The following MCF2L2 variants were observed in gnomAD, a reference collection of about 807,000 sequenced individuals.
The protein encoded by MCF2L2 is probable guanine nucleotide exchange factor MCF2L2.
In MCF2L2, 102 loss-of-function variants were observed where a neutral mutation model predicts 150.2. That is an observed-to-expected ratio of 0.68 (90% CI 0.58 to 0.80). MCF2L2 has a LOEUF of 0.80. Ranked by LOEUF, MCF2L2 falls within the 30% of genes least tolerant of loss-of-function variation. The pLI, the probability that MCF2L2 is intolerant of heterozygous loss-of-function variation, is 0.00. For synonymous variants in MCF2L2, 465 were observed against 491.3 expected (o/e 0.95, Z 0.71); for missense variants, 1,256 against 1,372.8 (o/e 0.91, Z 1.34).
At position 183,274,137 on chromosome 3, in the gene MCF2L2, C is replaced by G. The variant is rs1217737446; in HGVS notation, c.1862+2735G>C. On this transcript the variant is annotated intron_variant, in intron 15 of 29. Transcript: ENST00000328913. ...GGCTGAGGCAGGAGAATTGCTTGAA[C>G]CTGGGAAAGGGAGGTTGCAATGACC... 3.3e-5 allele frequency among the ~76,000 whole-genome samples: 5 copies of G among 151,964 alleles called. No homozygotes were observed. The East Asian group carries it at 9.6e-4, about 29-fold the overall frequency.
At chr3:183,229,866 T>C (rs1457491635) in intron 16 of MCF2L2, 85 bp from the exon 17 acceptor site, 1 of 583,768 alleles carries the variant, frequency 1.7e-6, no homozygotes, top group Admixed American at 2.9e-5. Flanking sequence ...CCCAAAACTT[T>C]AGTGAAATGA....
In MCF2L2 at chr3:183,342,230, G is replaced by GA. The variant is rs1341564861; in HGVS notation, c.276-601dup. Among the ~76,000 whole-genome samples, 16 of 152,288 alleles carry GA rather than the reference G, an allele frequency of 1.1e-4. No individual in the cohort carries two copies. The East Asian group carries it at 1.4e-3, about 13-fold the overall frequency. ...TCACGAAATTCTCACAGAATCTTTC[G>GA]AAAGTAGAATTCTAAAAGTGAAAAC... is the stretch of plus-strand genomic sequence containing the variant. On this transcript the variant is annotated intron_variant, in intron 3 of 29. Transcript: ENST00000328913.
Position 183,207,700 on chromosome 3 carries a change from G to A in MCF2L2, c.2620C>T (p.Leu874=). ...RFKPSQRQIY[L]FERGIVFCKI... is the part of the protein sequence containing the mutation. The stretch of plus-strand genomic sequence containing the variant: ...CAGAACACTATTCCCCTTTCAAATA[G>A]GTAGATTTGCCTCTGGCTGGGTTTA... The change falls in exon 23 of 30, where the codon CTA becomes TTA. Residue 874 remains leucine, a synonymous_variant. Transcript: ENST00000328913. 1 of 1,614,094 alleles carries A rather than the reference G, an allele frequency of 6.2e-7. No individual in the cohort carries two copies. Among genetic ancestry groups the A allele is most frequent in the Non-Finnish European group, 8.5e-7 (1 of 1,179,960 alleles).
chr3:183,354,420 C>T (rs1292747124), intron 3 of MCF2L2, among the ~76,000 whole-genome samples: 1 of 152,080 alleles, frequency 6.6e-6, no homozygotes, highest in Non-Finnish European at 1.5e-5. Context: ...GGGACATTTA[C>T]CATCTATTCT....
Position 183,389,310 on chromosome 3 carries a change from G to A in MCF2L2, c.160+386C>T, listed in dbSNP as rs150076652. Among the ~76,000 whole-genome samples, 288 of 152,268 alleles carry A rather than the reference G, an allele frequency of 1.9e-3. 1 individual carries two copies. Among genetic ancestry groups the A allele is most frequent in the African/African-American group, 6.5e-3 (268 of 41,550 alleles). ...CCAGAGAACAAACAACCTCAGCAAC[G>A]CTCGGGAACCCTTAGAACTAAGACC... On this transcript the variant is annotated intron_variant, in intron 2 of 29. Coordinates refer to ENST00000328913, the MANE Select transcript of MCF2L2 (RefSeq NM_015078.4).
Position 183,379,483 on chromosome 3 carries a change from G to A in MCF2L2, c.161-72C>T, listed in dbSNP as rs186113994. The stretch of plus-strand genomic sequence containing the variant: ...TCACACCTCTGCAGGGAAGTTGGGC[G>A]AAAGAATATCGGTCACCTCTTTTCC... On this transcript the variant is annotated intron_variant, in intron 2 of 29. Transcript: ENST00000328913. The A allele has an allele frequency of 1.7e-3, 1,696 of 998,424 alleles. 6 individuals carry two copies. Among genetic ancestry groups the A allele is most frequent in the Admixed American group, 2.8e-3 (126 of 44,454 alleles). The allele number at this position is 998,424 out of a possible 1,614,324, so 61.8% of individuals were successfully genotyped here. A position where few individuals can be genotyped will look rare whatever the true frequency, so the allele number is the denominator to read the frequency against.
At chr3:183,323,380 C>T (rs377256499) in intron 5 of MCF2L2, 29 bp from the exon 6 acceptor site, 1 of 1,180,388 alleles carries the variant, frequency 8.5e-7, no homozygotes, top group Non-Finnish European at 1.3e-6. Context: ...ATTAAACATA[C>T]TCCTCATTGA....
intron 1 of MCF2L2, among the ~76,000 whole-genome samples, chr3:183,412,671 T>C (rs1366737704): frequency 3.3e-5 from 5 of 152,204 alleles, no homozygotes; most frequent in African/African-American, 9.7e-5. Flanking sequence ...CAAATACAGA[T>C]AGTTTTACTC....
At chr3:183,311,123 C>A in intron 8 of MCF2L2, 94 bp from the exon 9 acceptor site, 1 of 692,478 alleles carries the variant, frequency 1.4e-6, no homozygotes, top group South Asian at 1.7e-5. Flanking sequence ...TGTCTTCGGT[C>A]AGTGGTGTCA....
At chr3:183,356,296 C>CCT (rs1711778406) in intron 3 of MCF2L2, among the ~76,000 whole-genome samples, 2 of 151,750 alleles carry the variant, frequency 1.3e-5, no homozygotes, top group Non-Finnish European at 2.9e-5. Context: ...AGGCTGATCA[C>CCT]GAGGTCAAGA....
intron 15 of MCF2L2, among the ~76,000 whole-genome samples, chr3:183,275,961 TAAAG>T (rs1727135829): frequency 6.6e-6 from 1 of 152,164 alleles, no homozygotes; most frequent in Non-Finnish European, 1.5e-5. Context: ...TCAACTAACT[TAAAG>T]AACACTAAGA....
chr3:183,293,093 C>T (rs191782663), intron 13 of MCF2L2, among the ~76,000 whole-genome samples: 69 of 152,200 alleles, frequency 4.5e-4, no homozygotes, highest in African/African-American at 1.6e-3. Flanking sequence ...AAAGGCAAGA[C>T]CCAACTATAT....
In MCF2L2 at chr3:183,341,581, C is replaced by T; in HGVS notation, c.325G>A (p.Asp109Asn). 1 of 1,614,170 alleles carries T rather than the reference C, an allele frequency of 6.2e-7. No homozygotes were observed. Among genetic ancestry groups the T allele is most frequent in the East Asian group, 2.2e-5 (1 of 44,890 alleles). The change falls in exon 4 of 30, where the codon GAC (aspartate) becomes AAC (asparagine). Residue 109 changes from aspartate to asparagine, a missense_variant. Asp to Asn is a conservative substitution (Grantham distance 23). Transcript: ENST00000328913. Reference protein sequence around the residue: ...GFIVVIDRRRDKWSSVKASLT... With the variant: ...GFIVVIDRRRNKWSSVKASLT... ...GATGCCTTTACGGAGCTCCACTTGTCTCTTCGTCTGTCGATAACAACAATG... is the reference window on the plus strand; with the variant it reads ...GATGCCTTTACGGAGCTCCACTTGTTTCTTCGTCTGTCGATAACAACAATG...
chr3:183,287,046 A>C (rs941651852), intron 14 of MCF2L2, among the ~76,000 whole-genome samples: 2 of 152,222 alleles, frequency 1.3e-5, no homozygotes, highest in African/African-American at 4.8e-5. Context: ...TGGCAAAAGA[A>C]GGAAGAAACC....
chr3:183,234,783 G>A (rs1192770072), intron 15 of MCF2L2, among the ~76,000 whole-genome samples: 1 of 120,072 alleles, frequency 8.3e-6, no homozygotes, highest in Non-Finnish European at 1.7e-5. Context: ...TGCCATGCTG[G>A]TGCGCTGCAC....
intron 1 of MCF2L2, 111 bp from the exon 2 acceptor site, chr3:183,389,890 A>G (rs1484584482): frequency 7.5e-6 from 6 of 795,914 alleles, no homozygotes; most frequent in Non-Finnish European, 1.3e-5. Context: ...ACTTATCAAG[A>G]GACGGTGCTG....
chr3:183,292,353 G>A (rs1043240291), intron 13 of MCF2L2, among the ~76,000 whole-genome samples: 7 of 152,066 alleles, frequency 4.6e-5, no homozygotes, highest in East Asian at 1.9e-4. Flanking sequence ...CCAGGAGTTC[G>A]AAACCTGCCT....
Position 183,299,879 on chromosome 3 carries a change from G to A in MCF2L2, c.1305+126C>T, listed in dbSNP as rs188628767. ...ATCTGCACAGTTTTTAATGCCTCTC[G>A]AACATCTTTTCACATAAAGCACTCA... On this transcript the variant is annotated intron_variant, in intron 11 of 29. Coordinates refer to ENST00000328913, the MANE Select transcript of MCF2L2 (RefSeq NM_015078.4). 1.2e-4 allele frequency: 130 copies of A among 1,058,504 alleles called. 1 individual carries two copies. The Middle Eastern group carries it at 2.1e-3, about 17-fold the overall frequency. 65.6% of individuals were successfully genotyped at this position (1,058,504 alleles called of 1,614,324 possible). A position where few individuals can be genotyped will look rare whatever the true frequency, so the allele number is the denominator to read the frequency against.
At chr3:183,379,017 A>G in intron 3 of MCF2L2, 1 of 360,024 alleles carries the variant, frequency 2.8e-6, no homozygotes. Flanking sequence ...CTAAGGAACA[A>G]AGGCAACACA....
Sources: gnomAD v4.1 joint callset for allele counts (sites outside exome capture counted in the v4.1 genomes callset) on GRCh38, gnomAD v4.1.1 for gene constraint, MANE v1.5 for transcripts, NCBI Gene and HGNC (gene_info 2026-07-23, HGNC 2026-07-21) for gene names.